CNTNAP2: variants seen among roughly 807,000 people sequenced by gnomAD.
CNTNAP2 encodes contactin-associated protein-like 2.
Under a neutral mutation model 155.2 loss-of-function variants are expected in CNTNAP2, and 98 were observed. The ratio of observed to expected loss-of-function variants is 0.63; its 90% CI spans 0.54 to 0.75. The LOEUF is 0.75. Among genes scored for constraint, CNTNAP2 ranks in the 30% least tolerant of loss-of-function variants. CNTNAP2 has a pLI of 0.00. For missense variants in CNTNAP2, 1,727 were observed against 1,688.1 expected (o/e 1.02, Z -0.40); for synonymous variants, 651 against 631.2 (o/e 1.03, Z -0.47).
intron 15 of CNTNAP2, among the ~76,000 whole-genome samples, chr7:148,099,126 T>C (rs1266380016): frequency 3.3e-5 from 5 of 152,206 alleles, no homozygotes; most frequent in African/African-American, 9.6e-5. Flanking sequence ...AACCCAGGTG[T>C]GTAAAAATAG....
At chr7:147,022,499 C>CAT (rs534211145) in intron 3 of CNTNAP2, among the ~76,000 whole-genome samples, 8 of 151,840 alleles carry the variant, frequency 5.3e-5, no homozygotes, top group Middle Eastern at 3.5e-3. Flanking sequence ...ATTTATAACA[C>CAT]ATATATATGT....
At chr7:146,646,211 C>T (rs879404890) in intron 1 of CNTNAP2, among the ~76,000 whole-genome samples, 6 of 152,104 alleles carry the variant, frequency 3.9e-5, no homozygotes, top group Non-Finnish European at 7.3e-5. Flanking sequence ...TTTAGAAAAT[C>T]ACATAATGTA....
intron 18 of CNTNAP2, chr7:148,190,266 G>C (rs754083282): frequency 1.4e-4 from 21 of 152,296 alleles, no homozygotes; most frequent in Non-Finnish European, 2.6e-4. Flanking sequence ...ACTGCACTAG[G>C]TTACGTGGAT....
chr7:148,365,031 T>C (rs181876717), intron 21 of CNTNAP2, among the ~76,000 whole-genome samples: 18 of 152,278 alleles, frequency 1.2e-4, no homozygotes, highest in Non-Finnish European at 2.1e-4. Flanking sequence ...ACGCGCCACC[T>C]TAAGAGCTGT....
Position 148,350,584 on chromosome 7 carries a change from T to G in CNTNAP2, c.3476-33065T>G, listed in dbSNP as rs189080071. Among the ~76,000 whole-genome samples, 461 of 152,364 alleles carry G rather than the reference T, an allele frequency of 3.0e-3. 2 individuals carry two copies. Among genetic ancestry groups the G allele is most frequent in the African/African-American group, 0.011 (446 of 41,580 alleles). On this transcript the variant is annotated intron_variant, in intron 21 of 23. Coordinates refer to ENST00000361727, the MANE Select transcript of CNTNAP2 (RefSeq NM_014141.6). ...ACACTAGGTGTTTGTAACCACAAAGTGCACTTCAGTTGAATTCCTTTCCGA... is the reference window on the plus strand; with the variant it reads ...ACACTAGGTGTTTGTAACCACAAAGGGCACTTCAGTTGAATTCCTTTCCGA...
intron 1 of CNTNAP2, among the ~76,000 whole-genome samples, chr7:146,544,913 A>G (rs1798007518): frequency 1.3e-5 from 2 of 152,000 alleles, no homozygotes; most frequent in South Asian, 2.1e-4. Context: ...ATACTAGAGG[A>G]CCTGCCATCT....
chr7:146,643,543 T>G (rs1197479397), intron 1 of CNTNAP2, among the ~76,000 whole-genome samples: 2 of 152,010 alleles, frequency 1.3e-5, no homozygotes, highest in Admixed American at 6.5e-5. Flanking sequence ...ACCAGTACCA[T>G]GCTGTTTTGG....
Position 148,409,465 on chromosome 7 carries a change from A to T in CNTNAP2, c.3790A>T (p.Ile1264Phe), listed in dbSNP as rs758146566. ...RNGVNRNSAI[I>F]GGVIAVVIFT... Reference sequence around the variant, plus strand: ...TGGAGTCAACAGAAACTCGGCTATCATTGGAGGTAGGTGATGTCTAGAGGA... The same window carrying T: ...TGGAGTCAACAGAAACTCGGCTATCTTTGGAGGTAGGTGATGTCTAGAGGA... The change falls in exon 23 of 24, where the codon ATT becomes TTT. Residue 1264 changes from isoleucine to phenylalanine, a missense_variant. Ile to Phe is a conservative substitution (Grantham distance 21, BLOSUM62 0). Coordinates refer to ENST00000361727, the MANE Select transcript of CNTNAP2 (RefSeq NM_014141.6). 4 of 1,613,838 alleles carry T rather than the reference A, an allele frequency of 2.5e-6. No individual in the cohort carries two copies. The highest frequency in any genetic ancestry group is 3.4e-6 in the Non-Finnish European group (4 of 1,179,750).
rs542975822 is a variant in CNTNAP2, at chr7:146,275,807, A to G, written c.97+158834A>G. 2.8e-4 allele frequency among the ~76,000 whole-genome samples: 43 copies of G among 152,306 alleles called. No homozygotes were observed. The East Asian group carries it at 6.6e-3, about 23-fold the overall frequency. ...TAGAACTGGAGGTTTCGCATTTCCC[A>G]TTCCTACCTAATTCAATAACTCAGA... is the stretch of plus-strand genomic sequence containing the variant. On this transcript the variant is annotated intron_variant, in intron 1 of 23. Transcript: ENST00000361727.
At chr7:147,746,903 TG>T (rs1458888466) in intron 13 of CNTNAP2, among the ~76,000 whole-genome samples, 6 of 152,192 alleles carry the variant, frequency 3.9e-5, no homozygotes, top group African/African-American at 1.4e-4. Context: ...AATGATGCCT[TG>T]GGCTTTAGGG....
intron 1 of CNTNAP2, among the ~76,000 whole-genome samples, chr7:146,273,108 G>GAGAT (rs1800109604): frequency 6.6e-6 from 1 of 150,488 alleles, no homozygotes; most frequent in African/African-American, 2.5e-5. Context: ...GAGAGAGAGA[G>GAGAT]AGAGATCAGA....
In CNTNAP2 at chr7:148,416,104, C is replaced by CTATT. The variant is rs906616332; in HGVS notation, c.*490_*493dup. 4.3e-5 allele frequency: 7 copies of CTATT among 164,686 alleles called. No homozygotes were observed. Among genetic ancestry groups the CTATT allele is most frequent in the Admixed American group, 2.9e-4 (5 of 17,216 alleles). 10.2% of individuals were successfully genotyped at this position (164,686 alleles called of 1,614,324 possible). A position where few individuals can be genotyped will look rare whatever the true frequency, so the allele number is the denominator to read the frequency against. On this transcript the variant is annotated 3_prime_UTR_variant, in exon 24 of 24. Transcript: ENST00000361727. ...ACAGAAACTAGTTCGTGTTTATATA[C>CTATT]TATTTCCTTTGATGTCCTATAAGTC...
chr7:146,964,086 C>T (rs1247236252), intron 3 of CNTNAP2, among the ~76,000 whole-genome samples: 3 of 152,150 alleles, frequency 2.0e-5, no homozygotes, highest in Admixed American at 2.0e-4. Context: ...TGAGTTTCCT[C>T]TTGATCTATT....
intron 13 of CNTNAP2, among the ~76,000 whole-genome samples, chr7:147,827,055 T>TGAGTA (rs1309409055): frequency 6.6e-6 from 1 of 151,596 alleles, no homozygotes; most frequent in Admixed American, 6.6e-5. Flanking sequence ...CTCAGCCTCC[T>TGAGTA]GAGTAGCGGG....
chr7:148,313,452 T>C (rs1304663333), intron 21 of CNTNAP2, among the ~76,000 whole-genome samples: 1 of 149,996 alleles, frequency 6.7e-6, no homozygotes, highest in African/African-American at 2.4e-5. Flanking sequence ...GGGACATGGC[T>C]TAGGAGGAAT....
intron 21 of CNTNAP2, among the ~76,000 whole-genome samples, chr7:148,278,752 G>A (rs76521116): frequency 0.16 from 23,972 of 152,188 alleles, 2,555 homozygotes; most frequent in African/African-American, 0.3. Flanking sequence ...AAAGAGTTGT[G>A]TAATATAAAT....
chr7:146,231,830 G>C lies in CNTNAP2; in HGVS notation c.97+114857G>C, dbSNP rs193061319. Among the ~76,000 whole-genome samples the C allele has an allele frequency of 1.3e-4, 20 of 152,228 alleles. No individual in the cohort carries two copies. The East Asian group carries it at 1.7e-3, about 13-fold the overall frequency. On this transcript the variant is annotated intron_variant, in intron 1 of 23. Coordinates refer to ENST00000361727, the MANE Select transcript of CNTNAP2 (RefSeq NM_014141.6). ...TTCCCTGGAAAGGAACTGCACATGT[G>C]GCACACACTTTTAGACTTAGCATTT...
intron 1 of CNTNAP2, among the ~76,000 whole-genome samples, chr7:146,237,222 G>A (rs1799489108): frequency 6.6e-6 from 1 of 152,126 alleles, no homozygotes; most frequent in African/African-American, 2.4e-5. Flanking sequence ...ACCCGGCAAA[G>A]ATTTCTGTAG....
chr7:146,746,813 A>G lies in CNTNAP2; in HGVS notation c.98-27458A>G, dbSNP rs371591971. On this transcript the variant is annotated intron_variant, in intron 1 of 23. Transcript: ENST00000361727. ...TCATTTGAATGGTTCTGATATTTCA[A>G]TGATAAAATTCTGTGATTTAGTTTT... is the stretch of plus-strand genomic sequence containing the variant. Among the ~76,000 whole-genome samples the G allele has an allele frequency of 2.3e-4, 35 of 152,286 alleles. No individual in the cohort carries two copies. The South Asian group carries it at 4.6e-3, about 20-fold the overall frequency.
Sources: gnomAD v4.1 joint callset for allele counts (sites outside exome capture counted in the v4.1 genomes callset) on GRCh38, gnomAD v4.1.1 for gene constraint, MANE v1.5 for transcripts, NCBI Gene and HGNC (gene_info 2026-07-23, HGNC 2026-07-21) for gene names.